The following MYEF2 variants were observed in gnomAD, a reference collection of about 807,000 sequenced individuals.
The protein encoded by MYEF2 is myelin expression factor 2, also known as myelin gene expression factor 2.
MYEF2 carries 37 observed loss-of-function variants against 75.2 expected under a neutral mutation model. The observed-to-expected ratio is 0.49, with a 90% CI of 0.38 to 0.65. The LOEUF (loss-of-function observed/expected upper bound fraction) is 0.65. MYEF2 is among the 30% of genes least tolerant of loss of function. The pLI is 0.00. For missense variants in MYEF2, 634 were observed against 771.4 expected (o/e 0.82, Z 2.11); for synonymous variants, 195 against 241.6 (o/e 0.81, Z 1.79).
intron 16 of MYEF2, 35 bp downstream of exon 16, chr15:48,148,997 A>C (rs751298581): frequency 4.4e-6 from 7 of 1,607,828 alleles, no homozygotes; most frequent in Non-Finnish European, 6.0e-6. Flanking sequence ...CTCCATAATC[A>C]ATATCAACAT....
At chr15:48,167,547 A>C in intron 2 of MYEF2, 146 bp from the exon 3 acceptor site, 1 of 597,504 alleles carries the variant, frequency 1.7e-6, no homozygotes, top group Non-Finnish European at 2.9e-6. Context: ...ACCTCCTATC[A>C]ATGGCTATGT....
chr15:48,155,851 T>C (rs56044246), intron 9 of MYEF2, among the ~76,000 whole-genome samples: 2,301 of 151,370 alleles, frequency 0.015, 60 homozygotes, highest in African/African-American at 0.054. Flanking sequence ...CTCAGCTCAC[T>C]GCAACCTCTG....
In MYEF2 at chr15:48,151,871, T is replaced by C. The variant is rs2039504968; in HGVS notation, c.1207+3A>G. 1.2e-6 allele frequency: 2 copies of C among 1,612,986 alleles called. No individual in the cohort carries two copies. The highest frequency in any genetic ancestry group is 3.3e-5 in the Admixed American group (2 of 59,906). On this transcript the variant is annotated splice_donor_region_variant and intron_variant, in intron 12 of 16. Transcript: ENST00000324324. ...ACACTTCCCACTGCATACATTTACC[T>C]ACCTCCCATTCGGCCAACTCCTCCA...
At chr15:48,175,341 G>C (rs1172598675) in intron 1 of MYEF2, among the ~76,000 whole-genome samples, 3 of 152,094 alleles carry the variant, frequency 2.0e-5, no homozygotes, top group Non-Finnish European at 4.4e-5. Context: ...AATGTTCTAA[G>C]GGCACAAACT....
chr15:48,153,980 G>A lies in MYEF2; in HGVS notation c.986-87C>T, dbSNP rs543251665. On this transcript the variant is annotated intron_variant, in intron 9 of 16. Transcript: ENST00000324324. ...AAATTTTTTAAAAAGCTATATACCT[G>A]TAGTAGTATCTGTAAAATTTCTGCA... The A allele has an allele frequency of 3.9e-4, 382 of 981,718 alleles. 1 individual carries two copies. Among genetic ancestry groups the A allele is most frequent in the Non-Finnish European group, 3.8e-4 (257 of 679,022 alleles). The allele number at this position is 981,718 out of a possible 1,614,324, so 60.8% of individuals were successfully genotyped here.
chr15:48,151,322 A>G lies in MYEF2; in HGVS notation c.1306+151T>C. 5.1e-6 allele frequency: 5 copies of G among 986,878 alleles called. No individual in the cohort carries two copies. The South Asian group carries it at 5.9e-5, about 12-fold the overall frequency. The allele number at this position is 986,878 out of a possible 1,614,324, so 61.1% of individuals were successfully genotyped here. A position where few individuals can be genotyped will look rare whatever the true frequency, so the allele number is the denominator to read the frequency against. On this transcript the variant is annotated intron_variant, in intron 13 of 16. Transcript: ENST00000324324. Reference sequence around the variant, plus strand: ...AAATATGTAAGATGTTGAAAAAGAGAGCTAGCATATTAAAATCCTTAAAGT... The same window carrying G: ...AAATATGTAAGATGTTGAAAAAGAGGGCTAGCATATTAAAATCCTTAAAGT...
intron 9 of MYEF2, chr15:48,157,123 G>T (rs954291183): frequency 6.6e-6 from 1 of 152,020 alleles, no homozygotes; most frequent in African/African-American, 2.4e-5. Flanking sequence ...AAGATGCAGT[G>T]AAATAGTAAA....
Position 48,134,920 on chromosome 15 carries a change from T to C in MYEF2, c.*7988A>G. On this transcript the variant is annotated 3_prime_UTR_variant, in exon 17 of 17. Coordinates refer to ENST00000324324, the MANE Select transcript of MYEF2 (RefSeq NM_016132.5). ...ATCATGTTGGCCCCTATTCAGAGACTGTGCAGCGTACACAATTAGTGCAGC... is the reference window on the plus strand; with the variant it reads ...ATCATGTTGGCCCCTATTCAGAGACCGTGCAGCGTACACAATTAGTGCAGC... The C allele has an allele frequency of 6.2e-7, 1 of 1,612,386 alleles. No individual in the cohort carries two copies. The highest frequency in any genetic ancestry group is 8.5e-7 in the Non-Finnish European group (1 of 1,178,886).
At chr15:48,176,542 A>G (rs1309736959) in intron 1 of MYEF2, among the ~76,000 whole-genome samples, 6 of 152,174 alleles carry the variant, frequency 3.9e-5, no homozygotes, top group African/African-American at 1.2e-4. Context: ...TTAGAAGGGA[A>G]TAGAAAATCT....
chr15:48,166,208 A>T, intron 3 of MYEF2, 80 bp from the exon 4 acceptor site: 1 of 1,156,262 alleles, frequency 8.6e-7, no homozygotes, highest in East Asian at 2.4e-5. Flanking sequence ...ATCAGTTCTA[A>T]CATTTCAATC....
intron 16 of MYEF2, among the ~76,000 whole-genome samples, chr15:48,147,727 G>A (rs1225523085): frequency 6.6e-6 from 1 of 151,864 alleles, no homozygotes; most frequent in Non-Finnish European, 1.5e-5. Flanking sequence ...ATAAAAGGAT[G>A]ATCAAGAAAG....
In MYEF2 at chr15:48,168,705, C is replaced by T. The variant is rs372310023; in HGVS notation, c.296G>A (p.Arg99His). The T allele has an allele frequency of 1.4e-5, 22 of 1,613,768 alleles. No individual in the cohort carries two copies. Among genetic ancestry groups the T allele is most frequent in the East Asian group, 2.2e-5 (1 of 44,860 alleles). ...GATGTTGCTAATGAAAACTCTGTTA[C>T]GATTTGGACCCTTCTTTTCTCCAGC... ...SGAGEKKGPNRNRVFISNIPY... is the reference protein window; with the variant it reads ...SGAGEKKGPNHNRVFISNIPY... The change falls in exon 2 of 17, where the codon CGT (arginine) becomes CAT (histidine). Residue 99 changes from arginine (R) to histidine (H), a missense_variant. Physicochemically the swap from Arg to His is conservative, Grantham distance 29. Coordinates refer to ENST00000324324, the MANE Select transcript of MYEF2 (RefSeq NM_016132.5).
In MYEF2 at chr15:48,141,360, C is replaced by T. The variant is rs1398212604; in HGVS notation, c.*1548G>A. Reference sequence around the variant, plus strand: ...TTGGGAGGCCGAGGCGGGTGGATCACGAGGTCAGGAGTTTGAGACCAGCCT... The same window carrying T: ...TTGGGAGGCCGAGGCGGGTGGATCATGAGGTCAGGAGTTTGAGACCAGCCT... On this transcript the variant is annotated 3_prime_UTR_variant, in exon 17 of 17. Coordinates refer to ENST00000324324, the MANE Select transcript of MYEF2 (RefSeq NM_016132.5). 17 of 549,464 alleles carry T rather than the reference C, an allele frequency of 3.1e-5. No individual in the cohort carries two copies. The highest frequency in any genetic ancestry group is 5.2e-5 in the Non-Finnish European group (16 of 307,984). The allele number at this position is 549,464 out of a possible 1,614,324, so 34.0% of individuals were successfully genotyped here.
chr15:48,168,884 C>T (rs2040225143), intron 1 of MYEF2, 45 bp from the exon 2 acceptor site: 1 of 1,433,160 alleles, frequency 7.0e-7, no homozygotes, highest in African/African-American at 1.4e-5. Flanking sequence ...CTCAGTTGTG[C>T]TTATAAGAAT....
rs936950299 is a variant in MYEF2, at chr15:48,136,961, A to T, written c.*5947T>A. The T allele has an allele frequency of 3.7e-6, 6 of 1,605,268 alleles. No homozygotes were observed. The highest frequency in any genetic ancestry group is 5.1e-6 in the Non-Finnish European group (6 of 1,173,828). On this transcript the variant is annotated 3_prime_UTR_variant, in exon 17 of 17. Transcript: ENST00000324324. The stretch of plus-strand genomic sequence containing the variant: ...TTACATGGCCTTAGTCAGGTTTCTG[A>T]AGGTAATCACTAAATCTTGCCCATT...
chr15:48,159,450 A>C (rs555217221), intron 6 of MYEF2, 163 bp downstream of exon 6: 1 of 618,650 alleles, frequency 1.6e-6, no homozygotes. Flanking sequence ...GTGTGTGTGT[A>C]TATATATGTA....
At chr15:48,151,754 C>G in intron 12 of MYEF2, 120 bp downstream of exon 12, 1 of 1,247,368 alleles carries the variant, frequency 8.0e-7, no homozygotes, top group Non-Finnish European at 1.2e-6. Flanking sequence ...TCCTTATCCC[C>G]TAGTGCCTAT....
intron 5 of MYEF2, chr15:48,162,691 T>C (rs1261564601): frequency 1.3e-5 from 2 of 152,190 alleles, no homozygotes; most frequent in Non-Finnish European, 2.9e-5. Context: ...TGTCTCCGTA[T>C]CACATTTTGG....
At chr15:48,167,483 C>T in intron 2 of MYEF2, 82 bp from the exon 3 acceptor site, 5 of 1,276,474 alleles carry the variant, frequency 3.9e-6, no homozygotes, top group Non-Finnish European at 3.4e-6. Context: ...CACCTGTGCA[C>T]AACTCTACAG....
Sources: gnomAD v4.1 joint callset for allele counts (sites outside exome capture counted in the v4.1 genomes callset) on GRCh38, gnomAD v4.1.1 for gene constraint, MANE v1.5 for transcripts, NCBI Gene and HGNC (gene_info 2026-07-23, HGNC 2026-07-21) for gene names.